Variants in HERC6 observed in about 807,000 individuals in gnomAD.
HERC6 encodes HECT and RLD domain containing E3 ubiquitin protein ligase family member 6, also known as probable E3 ubiquitin-protein ligase HERC6.
HERC6 carries 101 observed loss-of-function variants against 114.5 expected under a neutral mutation model. The ratio of observed to expected loss-of-function variants is 0.88; its 90% CI spans 0.75 to 1.04. The LOEUF is 1.04. HERC6 is among the 50% of genes least tolerant of loss of function. HERC6 has a pLI of 0.00. For missense variants in HERC6, 1,133 were observed against 1,230.9 expected (o/e 0.92, Z 1.19); for synonymous variants, 408 against 436.2 (o/e 0.94, Z 0.81).
intron 17 of HERC6, 83 bp from the exon 18 acceptor site, chr4:88,435,642 C>A: frequency 1.0e-6 from 1 of 977,978 alleles, no homozygotes; most frequent in Non-Finnish European, 1.3e-6. Flanking sequence ...AAAAGGGAAC[C>A]ACATTTTTTT....
At chr4:88,422,188 C>G (rs1418980142) in intron 13 of HERC6, among the ~76,000 whole-genome samples, 1 of 152,088 alleles carries the variant, frequency 6.6e-6, no homozygotes, top group Admixed American at 6.6e-5. Context: ...ATACATTAAG[C>G]TTGTTTTTTA....
intron 11 of HERC6, among the ~76,000 whole-genome samples, chr4:88,410,242 C>T (rs548727010): frequency 3.9e-5 from 6 of 152,234 alleles, no homozygotes; most frequent in Non-Finnish European, 5.9e-5. Context: ...AAGATGAACA[C>T]TGGTTTGGTC....
At chr4:88,442,142 A>C in intron 22 of HERC6, 92 bp from the exon 23 acceptor site, 1 of 896,102 alleles carries the variant, frequency 1.1e-6, no homozygotes, top group Non-Finnish European at 1.8e-6. Flanking sequence ...ACATTCAATA[A>C]ATACTTACTG....
chr4:88,393,639 A>T, intron 5 of HERC6, 57 bp downstream of exon 5: 1 of 1,007,002 alleles, frequency 9.9e-7, no homozygotes, highest in South Asian at 1.4e-5. Flanking sequence ...AACAAGATAC[A>T]TATGTACTAA....
chr4:88,433,212 C>T lies in HERC6; in HGVS notation c.2250+1907C>T, dbSNP rs375438505. The stretch of plus-strand genomic sequence containing the variant: ...ATAATTTTGTGCATGAAACAAAGTT[C>T]GTATTAAATACTTATGAGTGGAACT... On this transcript the variant is annotated intron_variant, in intron 17 of 22. Transcript: ENST00000264346. Among the ~76,000 whole-genome samples the T allele has an allele frequency of 2.6e-5, 4 of 152,090 alleles. No homozygotes were observed. The East Asian group carries it at 5.8e-4, about 22-fold the overall frequency.
chr4:88,410,690 C>G (rs1485563442), intron 11 of HERC6, among the ~76,000 whole-genome samples: 1 of 152,028 alleles, frequency 6.6e-6, no homozygotes, highest in Non-Finnish European at 1.5e-5. Flanking sequence ...AGGAAAAAAA[C>G]AAGTTTTGTA....
chr4:88,423,827 A>G, intron 13 of HERC6, 33 bp from the exon 14 acceptor site: 1 of 980,536 alleles, frequency 1.0e-6, no homozygotes. Context: ...TTATTGATAG[A>G]AAATGAAATT....
At chr4:88,415,704 CA>C (rs1736415506) in intron 12 of HERC6, among the ~76,000 whole-genome samples, 2 of 152,276 alleles carry the variant, frequency 1.3e-5, no homozygotes, top group African/African-American at 4.8e-5. Flanking sequence ...TTGTATATCA[CA>C]GATCACTTTG....
At chr4:88,419,484 A>T (rs956336208) in intron 13 of HERC6, among the ~76,000 whole-genome samples, 10 of 152,342 alleles carry the variant, frequency 6.6e-5, no homozygotes, top group African/African-American at 2.4e-4. Context: ...AGAGCTCTTA[A>T]ATTCCAGAGA....
intron 13 of HERC6, among the ~76,000 whole-genome samples, chr4:88,419,137 C>T (rs554926874): frequency 1.3e-5 from 2 of 152,060 alleles, no homozygotes; most frequent in South Asian, 4.2e-4. Context: ...AAGAAAGGGC[C>T]CAATGGATAC....
intron 11 of HERC6, among the ~76,000 whole-genome samples, chr4:88,409,825 C>T (rs1025711092): frequency 6.6e-6 from 1 of 152,020 alleles, no homozygotes; most frequent in African/African-American, 2.4e-5. Context: ...TTTTCCTGTC[C>T]TGACTCAGGT....
At chr4:88,422,582 T>C (rs978657604) in intron 13 of HERC6, among the ~76,000 whole-genome samples, 1 of 136,504 alleles carries the variant, frequency 7.3e-6, no homozygotes, top group Non-Finnish European at 1.5e-5. Flanking sequence ...CTTTATCTAC[T>C]TGAAGTAACA....
chr4:88,411,335 G>A (rs577716901), intron 11 of HERC6, among the ~76,000 whole-genome samples: 90 of 152,178 alleles, frequency 5.9e-4, no homozygotes, highest in Admixed American at 2.1e-3. Flanking sequence ...CATGATATGC[G>A]CATTAGGAAA....
Position 88,442,848 on chromosome 4 carries a change from G to A in HERC6, c.*388G>A, listed in dbSNP as rs982435081. 4.5e-6 allele frequency: 1 copy of A among 221,924 alleles called. No homozygotes were observed. The highest frequency in any genetic ancestry group is 9.1e-6 in the Non-Finnish European group (1 of 110,340). The allele number at this position is 221,924 out of a possible 1,614,324, so 13.7% of individuals were successfully genotyped here. On this transcript the variant is annotated 3_prime_UTR_variant, in exon 23 of 23. Coordinates refer to ENST00000264346, the MANE Select transcript of HERC6 (RefSeq NM_017912.4). ...TCCAGGACATTCATTTGCATAAGGA[G>A]TCAAACCACACCAGTCTTGGATTGG...
chr4:88,429,571 C>T (rs1033718222), intron 16 of HERC6, among the ~76,000 whole-genome samples: 6 of 152,022 alleles, frequency 3.9e-5, no homozygotes. Flanking sequence ...AGGTTATTTG[C>T]CCTCTTGAGG....
intron 4 of HERC6, 85 bp from the exon 5 acceptor site, chr4:88,393,403 A>C (rs1735022874): frequency 3.2e-6 from 2 of 630,250 alleles, no homozygotes; most frequent in African/African-American, 3.6e-5. Flanking sequence ...ACAAAAAAAG[A>C]AATATAAAAA....
intron 3 of HERC6, 63 bp from the exon 4 acceptor site, chr4:88,390,589 G>A: frequency 7.3e-7 from 1 of 1,371,638 alleles, no homozygotes; most frequent in Non-Finnish European, 9.8e-7. Context: ...AGAATTAGTA[G>A]TTTCTATTTG....
chr4:88,431,378 G>C, intron 17 of HERC6, 73 bp downstream of exon 17: 1 of 1,461,590 alleles, frequency 6.8e-7, no homozygotes, highest in Non-Finnish European at 9.2e-7. Context: ...TAACACCATA[G>C]ATAGTGGTGT....
chr4:88,394,208 C>G (rs1735077769), intron 5 of HERC6, among the ~76,000 whole-genome samples: 1 of 152,088 alleles, frequency 6.6e-6, no homozygotes, highest in East Asian at 1.9e-4. Context: ...GGTGTGGTGG[C>G]TCATGCCTAT....
Sources: gnomAD v4.1 joint callset for allele counts (sites outside exome capture counted in the v4.1 genomes callset) on GRCh38, gnomAD v4.1.1 for gene constraint, MANE v1.5 for transcripts, NCBI Gene and HGNC (gene_info 2026-07-23, HGNC 2026-07-21) for gene names.